The following TECTA variants were observed in gnomAD, a reference collection of about 807,000 sequenced individuals.
TECTA encodes the protein alpha-tectorin.
Under a neutral mutation model 216.8 loss-of-function variants are expected in TECTA, and 128 were observed. The observed-to-expected ratio is 0.59, with a 90% CI of 0.51 to 0.68. The LOEUF is 0.68. Ranked by LOEUF, TECTA falls within the 30% of genes least tolerant of loss-of-function variation. The probability of loss-of-function intolerance (pLI) is 0.00; values close to 1 mark genes in which losing one functional copy is unlikely to be tolerated. For missense variants in TECTA, 2,551 were observed against 2,786.2 expected, an observed-to-expected ratio of 0.92 and a Z score of 1.90; for synonymous variants, 1,089 against 1,117.1, an observed-to-expected ratio of 0.97 and a Z score of 0.50.
chr11:121,137,999 C>T lies in TECTA; in HGVS notation c.3520C>T (p.Arg1174Ter), dbSNP rs769965398. Residue 1174 changes from arginine to a stop codon, truncating the protein, a stop_gained, in exon 11 of 24, where the codon CGA (arginine) becomes TGA (stop). Transcript: ENST00000392793. LOFTEE classifies it high-confidence loss of function. The stretch of plus-strand genomic sequence containing the variant: ...GTTTGGCTACAGCATCGTGATCCAC[C>T]GAGCTTACAAGCACACTGTGCTGGT... ...TVFGYSIVIHRAYKHTVLVNS... is the reference protein window; with the variant it reads ...TVFGYSIVIH 1.2e-5 allele frequency: 20 copies of T among 1,613,734 alleles called. No individual in the cohort carries two copies. Among genetic ancestry groups the T allele is most frequent in the Admixed American group, 3.3e-5 (2 of 60,026 alleles).
chr11:121,118,059 G>C (rs945603874), intron 6 of TECTA, among the ~76,000 whole-genome samples: 4 of 152,202 alleles, frequency 2.6e-5, no homozygotes, highest in African/African-American at 9.7e-5. Flanking sequence ...CAAGAGCTTA[G>C]ACGGGATTCA....
rs1272183930 is a variant in TECTA at position 121,172,773 on chromosome 11, T to C, written c.5999+3848T>C. Among the ~76,000 whole-genome samples the C allele has an allele frequency of 1.2e-4, 19 of 152,280 alleles. 1 individual carries two copies. The highest frequency in any genetic ancestry group is 1.2e-3 in the Admixed American group (18 of 15,274). ...CCTGAGGAATCGCCACACTGACTTC[T>C]GCAAGGGTTGAACTAGTTTACAGTC... On this transcript the variant is annotated intron_variant, in intron 20 of 23. Transcript: ENST00000392793.
chr11:121,152,353 G>T (rs552481528), intron 12 of TECTA, among the ~76,000 whole-genome samples: 1 of 152,252 alleles, frequency 6.6e-6, no homozygotes, highest in Non-Finnish European at 1.5e-5. Flanking sequence ...AAAACGTTCT[G>T]TAGAAGCTCT....
At position 121,114,666 on chromosome 11, in the gene TECTA, C is replaced by T. The variant is rs1210356127; in HGVS notation, c.790+948C>T. Among the ~76,000 whole-genome samples, 6 of 124,908 alleles carry T rather than the reference C, an allele frequency of 4.8e-5. 1 individual carries two copies. The highest frequency in any genetic ancestry group is 1.7e-4 in the African/African-American group (6 of 34,324). 81.9% of individuals were successfully genotyped at this position (124,908 alleles called of 152,430 possible). On this transcript the variant is annotated intron_variant, in intron 6 of 23. Coordinates refer to ENST00000392793, the MANE Select transcript of TECTA (RefSeq NM_005422.4). ...CCACCCATCCATCCACCTACCCACC[C>T]ACCCATCCACCCACCCATCCATCCA...
At chr11:121,107,748 T>G (rs1044084602) in intron 3 of TECTA, among the ~76,000 whole-genome samples, 4 of 152,248 alleles carry the variant, frequency 2.6e-5, no homozygotes, top group African/African-American at 9.6e-5. Context: ...TACAGGTCCC[T>G]TGTAAACTGA....
At chr11:121,165,404 C>G in intron 17 of TECTA, 21 bp downstream of exon 17, 5 of 1,553,854 alleles carry the variant, frequency 3.2e-6, no homozygotes, top group Non-Finnish European at 4.4e-6. Context: ...TGGGCCACCT[C>G]CCCACCCAGA....
At chr11:121,149,527 G>T (rs1400324164) in intron 12 of TECTA, among the ~76,000 whole-genome samples, 1 of 152,148 alleles carries the variant, frequency 6.6e-6, no homozygotes, top group Admixed American at 6.6e-5. Context: ...ATTTTATTTT[G>T]ATAACTACTT....
chr11:121,168,202 T>C lies in TECTA; in HGVS notation c.5735T>C (p.Val1912Ala). The change falls in exon 19 of 24, where the codon GTG becomes GCG. Residue 1912 changes from valine to alanine, a missense_variant. By Grantham distance (64) the Val-to-Ala change is moderately conservative. Coordinates refer to ENST00000392793, the MANE Select transcript of TECTA (RefSeq NM_005422.4). ...ATCAAGATCTCCTTGGATTCTGTTG[T>C]GAAGCCTATGCTAAGGTAAGGTGTC... Reference protein sequence around the residue: ...LDIKISLDSVVKPMLSVINLT... With the variant: ...LDIKISLDSVAKPMLSVINLT... 1 of 1,614,240 alleles carries C rather than the reference T, an allele frequency of 6.2e-7. No homozygotes were observed. The highest frequency in any genetic ancestry group is 8.5e-7 in the Non-Finnish European group (1 of 1,180,024).
chr11:121,182,590 C>T (rs1947240775), intron 20 of TECTA, among the ~76,000 whole-genome samples: 1 of 152,160 alleles, frequency 6.6e-6, no homozygotes, highest in Non-Finnish European at 1.5e-5. Context: ...GGCTGATCCC[C>T]AAGCCCCCGA....
At chr11:121,178,981 T>C (rs7129267) in intron 20 of TECTA, among the ~76,000 whole-genome samples, 1 of 151,982 alleles carries the variant, frequency 6.6e-6, no homozygotes, top group Admixed American at 6.6e-5. Context: ...CTCTCTTTTT[T>C]CCCCTTAAGT....
chr11:121,168,322 C>G, intron 19 of TECTA, 105 bp downstream of exon 19: 1 of 1,454,148 alleles, frequency 6.9e-7, no homozygotes, highest in Non-Finnish European at 9.6e-7. Context: ...CTAGGAAAAA[C>G]ATAATTCACG....
chr11:121,173,458 A>G (rs1947133737), intron 20 of TECTA, among the ~76,000 whole-genome samples: 1 of 129,202 alleles, frequency 7.7e-6, no homozygotes, highest in Admixed American at 7.8e-5. Flanking sequence ...TCCTTTCCCC[A>G]TTGCTTGTTT....
intron 20 of TECTA, among the ~76,000 whole-genome samples, chr11:121,182,112 G>T (rs1299009733): frequency 6.6e-6 from 1 of 152,106 alleles, no homozygotes; most frequent in Non-Finnish European, 1.5e-5. Context: ...GGTACCAGTG[G>T]TGGTGATAGC....
chr11:121,167,944 A>C (rs1947071286), intron 18 of TECTA, 110 bp from the exon 19 acceptor site: 3 of 1,305,628 alleles, frequency 2.3e-6, no homozygotes, highest in Admixed American at 3.5e-5. Flanking sequence ...TGGCCTCTAA[A>C]TTATGTATGG....
intron 15 of TECTA, 117 bp downstream of exon 15, chr11:121,160,538 C>T (rs1281453272): frequency 2.1e-5 from 30 of 1,403,348 alleles, no homozygotes; most frequent in South Asian, 4.7e-5. Flanking sequence ...CCTACAGAGA[C>T]GAGCCAAAGC....
intron 10 of TECTA, among the ~76,000 whole-genome samples, chr11:121,136,815 T>C (rs1946731517): frequency 6.6e-6 from 1 of 152,142 alleles, no homozygotes; most frequent in South Asian, 2.1e-4. Context: ...GTTAGATTTA[T>C]TTAAATCATT....
chr11:121,125,942 C>T, intron 8 of TECTA, 70 bp downstream of exon 8: 1 of 1,534,632 alleles, frequency 6.5e-7, no homozygotes, highest in East Asian at 2.3e-5. Flanking sequence ...TTGGGGGCTC[C>T]TCCAAATGTC....
At chr11:121,188,675 C>T (rs185645142) in intron 21 of TECTA, among the ~76,000 whole-genome samples, 63 of 152,306 alleles carry the variant, frequency 4.1e-4, no homozygotes, top group African/African-American at 1.5e-3. Context: ...TTTAACATTG[C>T]AGCTTTATGC....
Position 121,145,703 on chromosome 11 carries a change from G to A in TECTA, c.3692G>A (p.Arg1231Gln), listed in dbSNP as rs773546195. ...WKTFLSITVP[R>Q]SMQNSTYGLC... ...ACCTTCCTGTCCATCACAGTCCCTC[G>A]GAGCATGCAGAACAGCACCTATGGT... Residue 1231 changes from arginine (R) to glutamine (Q), a missense_variant, in exon 12 of 24, where the codon CGG becomes CAG. Around this residue, in one of 3 missense-constraint regions of TECTA, gnomAD observed 2,375 missense variants for 2,563.9 expected, o/e 0.93. Coordinates refer to ENST00000392793, the MANE Select transcript of TECTA (RefSeq NM_005422.4). 3.7e-5 allele frequency: 60 copies of A among 1,614,188 alleles called. No individual in the cohort carries two copies. Among genetic ancestry groups the A allele is most frequent in the African/African-American group, 1.5e-4 (11 of 75,036 alleles).
Sources: gnomAD v4.1 joint callset for allele counts (sites outside exome capture counted in the v4.1 genomes callset) on GRCh38, gnomAD v4.1.1 for gene constraint, gnomAD v4.1.1 regional missense constraint, MANE v1.5 for transcripts, NCBI Gene and HGNC (gene_info 2026-07-23, HGNC 2026-07-21) for gene names.